The following ST18 variants were observed in gnomAD, a reference collection of about 807,000 sequenced individuals.
ST18 encodes suppression of tumorigenicity 18 protein.
A neutral mutation model predicts 110.0 loss-of-function variants in ST18; 50 were observed. The ratio of observed to expected loss-of-function variants is 0.45; its 90% CI spans 0.36 to 0.58. The LOEUF (loss-of-function observed/expected upper bound fraction) is 0.58, where lower values mean the gene tolerates loss of function less well. Among genes scored for constraint, ST18 ranks in the 20% least tolerant of loss-of-function variants. The pLI, the probability that ST18 is intolerant of heterozygous loss-of-function variation, is 0.00. For synonymous variants in ST18, 461 were observed against 452.4 expected (o/e 1.02, Z -0.24); for missense variants, 1,306 against 1,280.1 (o/e 1.02, Z -0.31).
At chr8:52,326,674 T>C (rs1806582531) in intron 2 of ST18, among the ~76,000 whole-genome samples, 2 of 152,116 alleles carry the variant, frequency 1.3e-5, no homozygotes, top group Admixed American at 1.3e-4. Context: ...AGGAGGGATA[T>C]CTGAAAGGCA....
chr8:52,316,327 C>T (rs1192927442), intron 2 of ST18, among the ~76,000 whole-genome samples: 2 of 152,152 alleles, frequency 1.3e-5, no homozygotes, highest in African/African-American at 4.8e-5. Context: ...TTAATAGTTA[C>T]CATCAAAATG....
intron 8 of ST18, among the ~76,000 whole-genome samples, chr8:52,195,075 C>T (rs2075776735): frequency 6.6e-6 from 1 of 152,172 alleles, no homozygotes; most frequent in Non-Finnish European, 1.5e-5. Context: ...CAGAGATTGA[C>T]AGAGCAGTTC....
intron 2 of ST18, chr8:52,404,209 T>C (rs979372863): frequency 3.9e-5 from 6 of 152,206 alleles, no homozygotes; most frequent in Admixed American, 3.3e-4. Context: ...ATTAACCACA[T>C]TAGAAAAAGA....
At chr8:52,185,503 C>T (rs1392225055) in intron 8 of ST18, among the ~76,000 whole-genome samples, 2 of 152,066 alleles carry the variant, frequency 1.3e-5, no homozygotes, top group Non-Finnish European at 2.9e-5. Flanking sequence ...GGAAGCCTTA[C>T]AATGTTGAAT....
At chr8:52,224,265 C>G (rs914736963) in intron 3 of ST18, among the ~76,000 whole-genome samples, 1 of 151,990 alleles carries the variant, frequency 6.6e-6, no homozygotes, top group South Asian at 2.1e-4. Flanking sequence ...AAACTTAAAC[C>G]CTTTATTTTG....
intron 2 of ST18, among the ~76,000 whole-genome samples, chr8:52,308,274 C>T (rs1419844584): frequency 6.6e-6 from 1 of 152,212 alleles, no homozygotes; most frequent in South Asian, 2.1e-4. Flanking sequence ...CTATGCCACT[C>T]TCACTATTTT....
At chr8:52,328,555 T>TA (rs1807571772) in intron 2 of ST18, among the ~76,000 whole-genome samples, 1 of 152,140 alleles carries the variant, frequency 6.6e-6, no homozygotes, top group African/African-American at 2.4e-5. Context: ...ACAAAACTCT[T>TA]AAAGACATTT....
At chr8:52,189,071 G>A (rs1238175822) in intron 8 of ST18, among the ~76,000 whole-genome samples, 2 of 152,102 alleles carry the variant, frequency 1.3e-5, no homozygotes, top group Non-Finnish European at 2.9e-5. Context: ...CATAAAATTA[G>A]TCCCCTTCTC....
intron 2 of ST18, among the ~76,000 whole-genome samples, chr8:52,343,021 A>C (rs1382338807): frequency 6.6e-6 from 1 of 152,182 alleles, no homozygotes; most frequent in Non-Finnish European, 1.5e-5. Context: ...TACAGTCATC[A>C]AAATAGAATG....
At chr8:52,319,832 C>T (rs1392946232) in intron 2 of ST18, among the ~76,000 whole-genome samples, 3 of 152,150 alleles carry the variant, frequency 2.0e-5, no homozygotes, top group Non-Finnish European at 4.4e-5. Context: ...AGAGTGCCTG[C>T]ATGTGCCTTC....
intron 8 of ST18, among the ~76,000 whole-genome samples, chr8:52,203,190 G>A (rs2078611879): frequency 1.3e-5 from 2 of 152,272 alleles, no homozygotes; most frequent in South Asian, 2.1e-4. Context: ...CATGGAGGGG[G>A]TAGGGGGAAC....
chr8:52,221,465 G>A (rs184530856), intron 4 of ST18, among the ~76,000 whole-genome samples, 175 bp downstream of exon 4: 20 of 152,250 alleles, frequency 1.3e-4, no homozygotes, highest in Admixed American at 9.8e-4. Context: ...TCCCAGGGAT[G>A]AGCACAGAAT....
chr8:52,367,439 A>C (rs1408296524), intron 2 of ST18, among the ~76,000 whole-genome samples: 1 of 152,120 alleles, frequency 6.6e-6, no homozygotes, highest in African/African-American at 2.4e-5. Context: ...TAAAACTTAA[A>C]AATTAAAAAA....
At chr8:52,247,575 T>C (rs1449766645) in intron 2 of ST18, among the ~76,000 whole-genome samples, 2 of 152,222 alleles carry the variant, frequency 1.3e-5, no homozygotes, top group Non-Finnish European at 2.9e-5. Flanking sequence ...ACATTCATTC[T>C]TGTATTAACA....
At chr8:52,297,926 T>C (rs561420125) in intron 2 of ST18, among the ~76,000 whole-genome samples, 1 of 152,366 alleles carries the variant, frequency 6.6e-6, no homozygotes, top group African/African-American at 2.4e-5. Flanking sequence ...CTGAAATTGA[T>C]TGACAAAAGA....
At chr8:52,165,492 C>G (rs2062677675) in intron 11 of ST18, among the ~76,000 whole-genome samples, 1 of 152,214 alleles carries the variant, frequency 6.6e-6, no homozygotes, top group Non-Finnish European at 1.5e-5. Flanking sequence ...TTAACGTAAA[C>G]TGAAAACTTG....
At chr8:52,403,930 T>C (rs1316454281) in intron 2 of ST18, 1 of 152,230 alleles carries the variant, frequency 6.6e-6, no homozygotes, top group East Asian at 1.9e-4. Flanking sequence ...TCCTAGCAGA[T>C]ACCAAACCTG....
intron 2 of ST18, among the ~76,000 whole-genome samples, chr8:52,255,437 C>A (rs1056893116): frequency 2.6e-5 from 4 of 152,104 alleles, no homozygotes; most frequent in Non-Finnish European, 5.9e-5. Flanking sequence ...GTCAAACGGC[C>A]CAAACCAGTG....
chr8:52,137,175 C>T (rs1376947782), intron 18 of ST18, among the ~76,000 whole-genome samples: 1 of 152,188 alleles, frequency 6.6e-6, no homozygotes, highest in Admixed American at 6.5e-5. Context: ...TCAAGCCACA[C>T]AGAACCGAAG....
Sources: allele counts gnomAD v4.1 joint callset (sites outside exome capture counted in the v4.1 genomes callset), GRCh38; gene constraint gnomAD v4.1.1; transcripts MANE v1.5; gene names NCBI Gene and HGNC (gene_info 2026-07-23, HGNC 2026-07-21).